The following ADGRL3 variants were observed in gnomAD, a reference collection of about 807,000 sequenced individuals.
ADGRL3 encodes the protein calcium-independent alpha-latrotoxin receptor 3.
ADGRL3 carries 62 observed loss-of-function variants against 153.5 expected under a neutral mutation model. The observed-to-expected ratio is 0.40, with a 90% CI of 0.33 to 0.50. The LOEUF is 0.50. ADGRL3 is among the 20% of genes least tolerant of loss of function. ADGRL3 has a pLI of 0.47. For synonymous variants in ADGRL3, 710 were observed against 672.5 expected (o/e 1.06, Z -0.86); for missense variants, 1,641 against 1,859.4 (o/e 0.88, Z 2.16).
intron 19 of ADGRL3, among the ~76,000 whole-genome samples, chr4:61,985,968 G>A (rs1301919933): frequency 4.0e-5 from 6 of 149,598 alleles, no homozygotes; most frequent in African/African-American, 1.5e-4. Context: ...CTTAGGGGAG[G>A]GGTGTTAGGT....
chr4:61,971,329 C>G, intron 17 of ADGRL3, among the ~76,000 whole-genome samples: 1 of 151,926 alleles, frequency 6.6e-6, no homozygotes, highest in Non-Finnish European at 1.5e-5. Context: ...CACAACAGTC[C>G]CCAGAGTGTG....
intron 1 of ADGRL3, among the ~76,000 whole-genome samples, chr4:61,262,565 G>C (rs1460613839): frequency 6.6e-6 from 1 of 151,990 alleles, no homozygotes; most frequent in African/African-American, 2.4e-5. Flanking sequence ...CTTCTTACCT[G>C]GGCCAGTAAC....
chr4:61,938,830 A>G (rs929230907), intron 15 of ADGRL3, among the ~76,000 whole-genome samples: 3 of 131,876 alleles, frequency 2.3e-5, no homozygotes, highest in Non-Finnish European at 4.7e-5. Flanking sequence ...TTTCCCAAAC[A>G]TGGGAGTTAG....
chr4:61,285,372 T>C (rs1012978510), intron 1 of ADGRL3, among the ~76,000 whole-genome samples: 3 of 152,018 alleles, frequency 2.0e-5, no homozygotes, highest in Admixed American at 2.0e-4. Context: ...ACTTCAGTAA[T>C]TTTCTTGATC....
chr4:62,015,367 C>T (rs909424630), intron 21 of ADGRL3, among the ~76,000 whole-genome samples: 4 of 152,092 alleles, frequency 2.6e-5, no homozygotes, highest in African/African-American at 7.2e-5. Flanking sequence ...CTCTTTGTTC[C>T]GCAACTGAGA....
chr4:61,743,025 G>GA lies in ADGRL3; in HGVS notation c.1399+9477dup, dbSNP rs559258576. Among the ~76,000 whole-genome samples, 194 of 149,164 alleles carry GA rather than the reference G, an allele frequency of 1.3e-3. 1 individual carries two copies. Among genetic ancestry groups the GA allele is most frequent in the Non-Finnish European group, 2.2e-3 (145 of 67,316 alleles). ...ATTTTTTTTTTTTTCAATAATGTTA[G>GA]AAAAAACAATTCTGGCTGGGCTCGG... On this transcript the variant is annotated intron_variant, in intron 8 of 26. Coordinates refer to ENST00000683033, the MANE Select transcript of ADGRL3 (RefSeq NM_001387552.1).
At chr4:61,404,257 T>A (rs2096965879) in intron 2 of ADGRL3, among the ~76,000 whole-genome samples, 1 of 152,084 alleles carries the variant, frequency 6.6e-6, no homozygotes, top group Non-Finnish European at 1.5e-5. Context: ...ATTATAATTA[T>A]AAATAATATA....
At chr4:62,063,389 G>T in intron 25 of ADGRL3, 1 of 458,404 alleles carries the variant, frequency 2.2e-6, no homozygotes, top group Admixed American at 3.8e-5. Flanking sequence ...CTGCCTGCCT[G>T]TAATCAGGAC....
chr4:61,313,854 C>T (rs2095105042), intron 1 of ADGRL3, among the ~76,000 whole-genome samples: 1 of 152,116 alleles, frequency 6.6e-6, no homozygotes, highest in African/African-American at 2.4e-5. Flanking sequence ...CAGACGGGAA[C>T]GAGCCTTGGC....
intron 25 of ADGRL3, among the ~76,000 whole-genome samples, chr4:62,049,055 C>T (rs28369524): frequency 0.028 from 4,226 of 152,128 alleles, 207 homozygotes; most frequent in African/African-American, 0.098. Flanking sequence ...TATGTCATCA[C>T]AAATATTTTA....
At chr4:61,358,294 T>G (rs937554687) in intron 1 of ADGRL3, among the ~76,000 whole-genome samples, 1 of 152,192 alleles carries the variant, frequency 6.6e-6, no homozygotes, top group East Asian at 1.9e-4. Flanking sequence ...AGTGGGTTTC[T>G]GCTCATGAAA....
intron 9 of ADGRL3, among the ~76,000 whole-genome samples, chr4:61,867,141 A>G (rs568614759): frequency 7.9e-5 from 12 of 152,210 alleles, no homozygotes; most frequent in African/African-American, 2.9e-4. Context: ...TATCCTAAGG[A>G]ATTTTGCATT....
chr4:61,223,312 A>T (rs955751746), intron 1 of ADGRL3, among the ~76,000 whole-genome samples: 8 of 152,218 alleles, frequency 5.3e-5, no homozygotes, highest in Admixed American at 3.9e-4. Context: ...TGCTTTTATT[A>T]TGGCATTTTG....
At chr4:61,369,568 C>A (rs1384034921) in intron 1 of ADGRL3, among the ~76,000 whole-genome samples, 2 of 152,112 alleles carry the variant, frequency 1.3e-5, no homozygotes, top group African/African-American at 4.8e-5. Context: ...CCTTGCATCC[C>A]AGGGATGAAG....
chr4:62,042,129 C>T (rs1345664529), intron 24 of ADGRL3, among the ~76,000 whole-genome samples: 1 of 151,902 alleles, frequency 6.6e-6, no homozygotes, highest in Non-Finnish European at 1.5e-5. Context: ...ATATAATATA[C>T]ATACACTATG....
intron 6 of ADGRL3, chr4:61,677,245 G>A (rs2095225852): frequency 6.3e-6 from 2 of 315,454 alleles, no homozygotes; most frequent in African/African-American, 4.3e-5. Context: ...AATTCTCCAG[G>A]TCCAAGCAGA....
chr4:61,769,805 G>T (rs932906404), intron 8 of ADGRL3, among the ~76,000 whole-genome samples: 1 of 151,978 alleles, frequency 6.6e-6, no homozygotes, highest in African/African-American at 2.4e-5. Context: ...GGGTGCTTTT[G>T]GAGCCAGGAT....
At chr4:61,817,113 T>C (rs562393871) in intron 9 of ADGRL3, among the ~76,000 whole-genome samples, 1 of 151,778 alleles carries the variant, frequency 6.6e-6, no homozygotes, top group Admixed American at 6.6e-5. Context: ...AAGCCCAGGT[T>C]TGGGGGGCTG....
intron 1 of ADGRL3, among the ~76,000 whole-genome samples, chr4:61,236,886 C>A (rs1014234262): frequency 6.6e-6 from 1 of 152,094 alleles, no homozygotes; most frequent in East Asian, 1.9e-4. Context: ...CTGTCTGGAC[C>A]TGAGTTCTTC....
Sources: allele counts gnomAD v4.1 joint callset (sites outside exome capture counted in the v4.1 genomes callset), GRCh38; gene constraint gnomAD v4.1.1; transcripts MANE v1.5; gene names NCBI Gene and HGNC (gene_info 2026-07-23, HGNC 2026-07-21).